The following PHC2 variants were observed in gnomAD, a reference collection of about 807,000 sequenced individuals.
PHC2 encodes polyhomeotic-like protein 2.
In PHC2, 29 loss-of-function variants were observed where a neutral mutation model predicts 87.4. The observed-to-expected ratio is 0.33, with a 90% CI of 0.25 to 0.45. The LOEUF (loss-of-function observed/expected upper bound fraction) is 0.45. Among genes scored for constraint, PHC2 ranks in the 20% least tolerant of loss-of-function variants. The pLI is 1.00. For missense variants in PHC2, 857 were observed against 1,136.7 expected (o/e 0.75, Z 3.54); for synonymous variants, 438 against 461.7 (o/e 0.95, Z 0.66).
intron 1 of PHC2, among the ~76,000 whole-genome samples, chr1:33,393,090 C>T (rs1422191839): frequency 1.3e-5 from 2 of 152,184 alleles, no homozygotes; most frequent in African/African-American, 4.8e-5. Flanking sequence ...GTTCCACAGA[C>T]AGACACTCAG....
At position 33,334,270 on chromosome 1, in the gene PHC2, A is replaced by G. The variant is rs1414377905; in HGVS notation, c.1581T>C (p.His527=). 2 of 1,612,988 alleles carry G rather than the reference A, an allele frequency of 1.2e-6. No individual in the cohort carries two copies. The highest frequency in any genetic ancestry group is 2.2e-5 in the East Asian group (1 of 44,866). ...CGGGGCTGCTGAGGTCGGTCAGTGC[A>G]TGAACAATGCCCTGCCCTGTCTCTG... ...PAHETGQGIV[H]ALTDLSSPGM... Residue 527 remains histidine (H), a synonymous_variant, in exon 10 of 15, where the codon CAT becomes CAC. Coordinates refer to ENST00000683057, the MANE Select transcript of PHC2 (RefSeq NM_001385109.1). This position sits in a 1 kb window ranked among gnomAD's most constrained non-coding sequence, Gnocchi z 5.5.
At chr1:33,350,890 T>C (rs1219787964) in intron 9 of PHC2, among the ~76,000 whole-genome samples, 1 of 152,232 alleles carries the variant, frequency 6.6e-6, no homozygotes, top group Admixed American at 6.5e-5. Flanking sequence ...ACTTATATTT[T>C]GTTTTATAAA....
chr1:33,346,319 C>T, intron 9 of PHC2: 1 of 985,464 alleles, frequency 1.0e-6, no homozygotes, highest in Non-Finnish European at 1.2e-6. Flanking sequence ...TCTACAACCA[C>T]TTTTGTGAGA....
At chr1:33,421,958 A>G (rs751437966) in intron 1 of PHC2, among the ~76,000 whole-genome samples, 1 of 152,166 alleles carries the variant, frequency 6.6e-6, no homozygotes, top group African/African-American at 2.4e-5. Flanking sequence ...CCTCCACCAT[A>G]AAGTCCAAAT....
At chr1:33,396,391 C>T (rs1649297918) in intron 1 of PHC2, among the ~76,000 whole-genome samples, 1 of 152,164 alleles carries the variant, frequency 6.6e-6, no homozygotes, top group Admixed American at 6.5e-5. Context: ...ATAATGCAGT[C>T]AAGTGCAATC....
At chr1:33,380,575 A>G (rs1453636270) in intron 1 of PHC2, among the ~76,000 whole-genome samples, 5 of 152,332 alleles carry the variant, frequency 3.3e-5, no homozygotes, top group Non-Finnish European at 7.4e-5. Flanking sequence ...GTGTTTGTTC[A>G]TCTGTTGATG....
chr1:33,372,300 C>A lies in PHC2; in HGVS notation c.322G>T (p.Ala108Ser). The stretch of plus-strand genomic sequence containing the variant: ...TTCCCAAGTCTCACCTGCTGTACGG[C>A]TGCCAGGCTCTGGAGCTGGGCGCTG... ...LSSAQLQSLA[A>S]VQQASLVSNR... The change falls in exon 3 of 15, where the codon GCC (alanine) becomes TCC (serine). Residue 108 changes from alanine to serine, a missense_variant. Transcript: ENST00000683057. 6.4e-7 allele frequency: 1 copy of A among 1,569,084 alleles called. No individual in the cohort carries two copies. The highest frequency in any genetic ancestry group is 8.7e-7 in the Non-Finnish European group (1 of 1,152,796).
chr1:33,356,959 T>C (rs1303486579), intron 7 of PHC2, among the ~76,000 whole-genome samples: 1 of 152,230 alleles, frequency 6.6e-6, no homozygotes, highest in South Asian at 2.1e-4. Context: ...AAAATTCTTA[T>C]ATTTTTTAGT....
chr1:33,326,711 T>C (rs1646378892), intron 14 of PHC2, among the ~76,000 whole-genome samples: 1 of 152,160 alleles, frequency 6.6e-6, no homozygotes, highest in Non-Finnish European at 1.5e-5. Context: ...CCCAGCACTT[T>C]AGGAGGCTGA....
Position 33,324,527 on chromosome 1 carries a change from T to C in PHC2, c.*338A>G, listed in dbSNP as rs527818052. ...TGCCCTTGAAGTAACCCAACTCAGGTTGGGGAGCCCTGACCATATACCCCC... is the reference window on the plus strand; with the variant it reads ...TGCCCTTGAAGTAACCCAACTCAGGCTGGGGAGCCCTGACCATATACCCCC... On this transcript the variant is annotated 3_prime_UTR_variant, in exon 15 of 15. Coordinates refer to ENST00000683057, the MANE Select transcript of PHC2 (RefSeq NM_001385109.1). 3.1e-5 allele frequency: 6 copies of C among 196,620 alleles called. No individual in the cohort carries two copies. The highest frequency in any genetic ancestry group is 1.2e-4 in the Admixed American group (2 of 16,494). The allele number at this position is 196,620 out of a possible 1,614,324, so 12.2% of individuals were successfully genotyped here. A position where few individuals can be genotyped will look rare whatever the true frequency, so the allele number is the denominator to read the frequency against.
Position 33,355,001 on chromosome 1 carries a change from G to C in PHC2, c.1229C>G (p.Pro410Arg). ...PVTPALPLQC[P>R]TANLHKPGGS... The stretch of plus-strand genomic sequence containing the variant: ...GCCAGGCTTGTGCAGGTTGGCAGTG[G>C]GACACTGGAGTGGCAGGGCGGGTGT... Residue 410 changes from proline (P) to arginine (R), a missense_variant, in exon 8 of 15, where the codon CCC (proline) becomes CGC (arginine). Pro to Arg is a moderately radical substitution (Grantham distance 103). This residue lies in a region of PHC2 where 832 missense variants were observed against 1,081.8 expected (regional missense o/e 0.77). Coordinates refer to ENST00000683057, the MANE Select transcript of PHC2 (RefSeq NM_001385109.1). 6.2e-7 allele frequency: 1 copy of C among 1,614,204 alleles called. No homozygotes were observed. Among genetic ancestry groups the C allele is most frequent in the South Asian group, 1.1e-5 (1 of 91,086 alleles).
intron 2 of PHC2, among the ~76,000 whole-genome samples, chr1:33,374,936 C>G (rs1266371346): frequency 6.6e-6 from 1 of 152,204 alleles, no homozygotes; most frequent in African/African-American, 2.4e-5. Context: ...ACCTGGAAGG[C>G]CTTCTGGATG....
intron 7 of PHC2, among the ~76,000 whole-genome samples, chr1:33,357,050 A>G (rs1192481184): frequency 6.6e-6 from 1 of 152,216 alleles, no homozygotes; most frequent in Non-Finnish European, 1.5e-5. Flanking sequence ...TGCACAGATC[A>G]CTCTCTGGCT....
Position 33,328,862 on chromosome 1 carries a change from G to C in PHC2, c.2425+8C>G, listed in dbSNP as rs749370017. 1.9e-6 allele frequency: 3 copies of C among 1,598,746 alleles called. No individual in the cohort carries two copies. The highest frequency in any genetic ancestry group is 1.7e-5 in the Admixed American group (1 of 59,592). On this transcript the variant is annotated splice_region_variant and intron_variant, in intron 14 of 14. Coordinates refer to ENST00000683057, the MANE Select transcript of PHC2 (RefSeq NM_001385109.1). The stretch of plus-strand genomic sequence containing the variant: ...TCCGGGGAGACATGGAATTTCCAAG[G>C]GCCTTACCTGGCAGAGAGCGGATGA...
intron 9 of PHC2, among the ~76,000 whole-genome samples, chr1:33,335,908 AG>A (rs150545597): frequency 0.21 from 26,276 of 126,412 alleles, 3,082 homozygotes; most frequent in East Asian, 0.35. Context: ...TTGGGGGGGG[AG>A]GGGGGGAAAG....
intron 2 of PHC2, among the ~76,000 whole-genome samples, chr1:33,375,094 T>G (rs977351290): frequency 6.6e-6 from 1 of 152,256 alleles, no homozygotes; most frequent in Non-Finnish European, 1.5e-5. Context: ...GTCTGGGTTG[T>G]GGCTGAGCAG....
intron 1 of PHC2, among the ~76,000 whole-genome samples, chr1:33,415,765 C>T (rs1325494314): frequency 6.6e-6 from 1 of 152,062 alleles, no homozygotes; most frequent in African/African-American, 2.4e-5. Context: ...TCCACATGTT[C>T]AAGAAGTGGA....
chr1:33,367,968 T>C (rs1647582245), intron 6 of PHC2, among the ~76,000 whole-genome samples: 4 of 152,184 alleles, frequency 2.6e-5, no homozygotes, highest in South Asian at 2.1e-4. Context: ...ACAGGGAGGC[T>C]GTGCCAGACT....
intron 14 of PHC2, chr1:33,326,113 A>G: frequency 3.4e-6 from 1 of 297,504 alleles, no homozygotes; most frequent in Non-Finnish European, 6.8e-6. Flanking sequence ...GGAGATTTTC[A>G]GGCAGAATGT....
Sources: allele counts gnomAD v4.1 joint callset (sites outside exome capture counted in the v4.1 genomes callset), GRCh38; gene constraint gnomAD v4.1.1; regional missense constraint gnomAD v4.1.1; non-coding constraint Gnocchi (gnomAD v3.1); transcripts MANE v1.5; gene names NCBI Gene and HGNC (gene_info 2026-07-23, HGNC 2026-07-21).